DSCAM: variants seen among roughly 807,000 people sequenced by gnomAD.
The protein encoded by DSCAM is cell adhesion molecule DSCAM.
DSCAM carries 47 observed loss-of-function variants against 217.7 expected under a neutral mutation model. That is an observed-to-expected ratio of 0.22 (90% CI 0.17 to 0.28). DSCAM has a LOEUF of 0.28. Among genes scored for constraint, DSCAM ranks in the 10% least tolerant of loss-of-function variants. The probability of loss-of-function intolerance (pLI) is 1.00; values close to 1 mark genes in which losing one functional copy is unlikely to be tolerated. For synonymous variants in DSCAM, 1,056 were observed against 1,015.3 expected (o/e 1.04, Z -0.76); for missense variants, 2,080 against 2,618.3 (o/e 0.79, Z 4.49).
At chr21:40,818,044 C>T (rs924175748) in intron 1 of DSCAM, among the ~76,000 whole-genome samples, 8 of 133,328 alleles carry the variant, frequency 6.0e-5, no homozygotes, top group Non-Finnish European at 1.1e-4. Context: ...TGCAGTGAGC[C>T]GAGATTGCGC....
chr21:40,070,900 CAT>C (rs2089284633), intron 27 of DSCAM, among the ~76,000 whole-genome samples: 1 of 152,214 alleles, frequency 6.6e-6, no homozygotes, highest in Non-Finnish European at 1.5e-5. Flanking sequence ...CATTTCAAAG[CAT>C]GTTTAAAATA....
At chr21:40,368,005 T>C (rs569669734) in intron 4 of DSCAM, among the ~76,000 whole-genome samples, 1 of 152,278 alleles carries the variant, frequency 6.6e-6, no homozygotes, top group Non-Finnish European at 1.5e-5. Flanking sequence ...GAGATACATT[T>C]AAAAATCAAC....
intron 11 of DSCAM, among the ~76,000 whole-genome samples, chr21:40,269,074 C>T (rs994830479): frequency 6.6e-6 from 1 of 152,196 alleles, no homozygotes; most frequent in Non-Finnish European, 1.5e-5. Context: ...GAGGGGAACA[C>T]TGTGGCTGAA....
intron 3 of DSCAM, among the ~76,000 whole-genome samples, chr21:40,423,493 A>T (rs1426129326): frequency 2.0e-5 from 3 of 152,314 alleles, no homozygotes; most frequent in African/African-American, 7.2e-5. Context: ...AAAGGGGTGC[A>T]AGACACCTGA....
At chr21:40,385,475 C>T (rs2075074604) in intron 3 of DSCAM, 1 of 152,170 alleles carries the variant, frequency 6.6e-6, no homozygotes, top group Non-Finnish European at 1.5e-5. Flanking sequence ...TGCTGACAAG[C>T]AGTAAAACTG....
chr21:40,251,390 A>G (rs2073302592), intron 11 of DSCAM, among the ~76,000 whole-genome samples: 1 of 152,134 alleles, frequency 6.6e-6, no homozygotes, highest in South Asian at 2.1e-4. Flanking sequence ...TTATCACTAT[A>G]TTAATTTTTT....
At chr21:40,407,023 A>C (rs947315996) in intron 3 of DSCAM, among the ~76,000 whole-genome samples, 1 of 152,206 alleles carries the variant, frequency 6.6e-6, no homozygotes, top group Non-Finnish European at 1.5e-5. Flanking sequence ...GCTAAAGAAT[A>C]TAAACTTTCA....
chr21:40,071,650 A>G (rs1241160052), intron 27 of DSCAM, among the ~76,000 whole-genome samples: 2 of 152,228 alleles, frequency 1.3e-5, no homozygotes, highest in East Asian at 3.8e-4. Flanking sequence ...ATCCTGATAG[A>G]TGGTTGCTCA....
chr21:40,249,690 T>A lies in DSCAM; in HGVS notation c.2356+26407A>T, dbSNP rs79528437. 1.3e-3 allele frequency among the ~76,000 whole-genome samples: 197 copies of A among 152,308 alleles called. 1 individual carries two copies. The highest frequency in any genetic ancestry group is 4.5e-3 in the African/African-American group (187 of 41,574). On this transcript the variant is annotated intron_variant, in intron 11 of 32. Coordinates refer to ENST00000400454, the MANE Select transcript of DSCAM (RefSeq NM_001389.5). ...TCTGGAGTGTGTGATGTGGCAGGTC[T>A]CAGGGTCAGAAGTGAGCTCTCTTTG...
At chr21:40,578,403 G>GTCAGCACTCTGTAAAAACGCACCAA (rs1242888192) in intron 3 of DSCAM, among the ~76,000 whole-genome samples, 2 of 151,964 alleles carry the variant, frequency 1.3e-5, no homozygotes, top group Non-Finnish European at 2.9e-5. Flanking sequence ...AAATGCACCA[G>GTCAGCACTCTGTAAAAACGCACCAA]TCAGCACTCT....
intron 14 of DSCAM, among the ~76,000 whole-genome samples, chr21:40,184,574 G>T (rs970897900): frequency 6.6e-6 from 1 of 152,144 alleles, no homozygotes; most frequent in African/African-American, 2.4e-5. Context: ...AATCCCGCCT[G>T]TACTCAGCTT....
chr21:40,305,950 TTAAAG>T (rs1601535114), intron 9 of DSCAM, among the ~76,000 whole-genome samples: 1 of 152,132 alleles, frequency 6.6e-6, no homozygotes, highest in Admixed American at 6.5e-5. Context: ...CACATGAACT[TTAAAG>T]TAGTTTTTTC....
chr21:40,364,969 A>T (rs2074815954), intron 4 of DSCAM, among the ~76,000 whole-genome samples: 2 of 150,306 alleles, frequency 1.3e-5, no homozygotes, highest in Admixed American at 6.6e-5. Context: ...TTTTTCTCTT[A>T]TACTGAAAAT....
intron 3 of DSCAM, among the ~76,000 whole-genome samples, chr21:40,535,498 G>A (rs1034297361): frequency 1.3e-5 from 2 of 152,160 alleles, no homozygotes; most frequent in African/African-American, 4.8e-5. Context: ...GTTTGTCGAA[G>A]TTAAAAAATA....
intron 27 of DSCAM, among the ~76,000 whole-genome samples, chr21:40,071,250 G>A (rs530800143): frequency 2.7e-4 from 41 of 152,174 alleles, no homozygotes; most frequent in African/African-American, 6.7e-4. Flanking sequence ...AGCAAAATGC[G>A]GCTCCTGAAC....
intron 20 of DSCAM, among the ~76,000 whole-genome samples, chr21:40,105,363 T>C (rs62237595): frequency 1.3e-5 from 2 of 152,254 alleles, no homozygotes; most frequent in Non-Finnish European, 2.9e-5. Context: ...AATCTCATCT[T>C]GAATTGTAGT....
intron 1 of DSCAM, among the ~76,000 whole-genome samples, chr21:40,776,862 T>C (rs560044482): frequency 6.6e-6 from 1 of 152,330 alleles, no homozygotes; most frequent in African/African-American, 2.4e-5. Flanking sequence ...GCTATTGATA[T>C]TCCCTTTAAG....
At chr21:40,632,830 C>T (rs370935251) in intron 3 of DSCAM, among the ~76,000 whole-genome samples, 38 of 152,288 alleles carry the variant, frequency 2.5e-4, no homozygotes, top group African/African-American at 8.4e-4. Context: ...GAAAGATGGA[C>T]GTGACCATGT....
chr21:40,138,782 G>A (rs867623926), intron 18 of DSCAM, among the ~76,000 whole-genome samples: 3 of 147,298 alleles, frequency 2.0e-5, no homozygotes, highest in Middle Eastern at 7.9e-3. Flanking sequence ...AGTGTATGGG[G>A]GGTATGTGTA....
Sources: allele counts gnomAD v4.1 joint callset (sites outside exome capture counted in the v4.1 genomes callset), GRCh38; gene constraint gnomAD v4.1.1; transcripts MANE v1.5; gene names NCBI Gene and HGNC (gene_info 2026-07-23, HGNC 2026-07-21).